Variants in RBFOX3 observed in about 807,000 individuals in gnomAD.
RBFOX3 encodes RNA binding protein fox-1 homolog 3.
RBFOX3 carries 17 observed loss-of-function variants against 48.7 expected under a neutral mutation model. The ratio of observed to expected loss-of-function variants is 0.35; its 90% CI spans 0.24 to 0.52. RBFOX3 has a LOEUF of 0.52. Ranked by LOEUF, RBFOX3 falls within the 20% of genes least tolerant of loss-of-function variation. The pLI is 0.94. For missense variants in RBFOX3, 382 were observed against 497.5 expected, an observed-to-expected ratio of 0.77 and a Z score of 2.21; for synonymous variants, 212 against 209.5, an observed-to-expected ratio of 1.01 and a Z score of -0.10.
chr17:79,588,559 C>A (rs2093323072), intron 1 of RBFOX3, among the ~76,000 whole-genome samples: 1 of 152,210 alleles, frequency 6.6e-6, no homozygotes, highest in African/African-American at 2.4e-5. Flanking sequence ...TGAGCTATAG[C>A]CCACCCCACA....
chr17:79,154,588 C>G (rs982575372), intron 4 of RBFOX3, among the ~76,000 whole-genome samples: 1 of 152,214 alleles, frequency 6.6e-6, no homozygotes, highest in Non-Finnish European at 1.5e-5. Context: ...GAATGAAGGA[C>G]GCTGGCTGGC....
intron 2 of RBFOX3, among the ~76,000 whole-genome samples, chr17:79,341,038 G>T (rs2082004068): frequency 6.6e-6 from 1 of 152,222 alleles, no homozygotes. Context: ...TCAGCAGTTG[G>T]TTCCCCAAAA....
In RBFOX3 at chr17:79,242,408, T is replaced by G. The variant is rs2062521050; in HGVS notation, c.-73-6603A>C. On this transcript the variant is annotated intron_variant, in intron 3 of 14. Coordinates refer to ENST00000693108, the MANE Select transcript of RBFOX3 (RefSeq NM_001350451.2). The surrounding 1 kb of genome is among the most constrained non-coding windows in gnomAD (Gnocchi z 5.8). ...CACTATAAAATTATAAAATTTTTTATAAATTATAAAAAATCAACTGTGGGT... is the reference window on the plus strand; with the variant it reads ...CACTATAAAATTATAAAATTTTTTAGAAATTATAAAAAATCAACTGTGGGT... 6.6e-6 allele frequency among the ~76,000 whole-genome samples: 1 copy of G among 152,172 alleles called. No homozygotes were observed. The highest frequency in any genetic ancestry group is 2.4e-5 in the African/African-American group (1 of 41,426).
At chr17:79,503,628 C>T (rs931003103) in intron 1 of RBFOX3, among the ~76,000 whole-genome samples, 5 of 152,170 alleles carry the variant, frequency 3.3e-5, no homozygotes, top group African/African-American at 4.8e-5. Context: ...GCGTGTGGCT[C>T]GGGGCTGCCA....
At chr17:79,280,846 G>T (rs1035841125) in intron 3 of RBFOX3, among the ~76,000 whole-genome samples, 2 of 150,322 alleles carry the variant, frequency 1.3e-5, no homozygotes, top group African/African-American at 2.4e-5. Context: ...CATTGTGGGG[G>T]GGGGGAGGGG....
chr17:79,656,752 AGG>A, the RBFOX3 span, among the ~76,000 whole-genome samples: 3 of 25,688 alleles, frequency 1.2e-4, no homozygotes, highest in South Asian at 2.1e-3. Flanking sequence ...GAAAGAAAGA[AGG>A]AAGGAAGGAA....
chr17:79,509,201 G>A (rs1451811615), intron 1 of RBFOX3, among the ~76,000 whole-genome samples: 2 of 152,206 alleles, frequency 1.3e-5, no homozygotes, highest in Non-Finnish European at 2.9e-5. Flanking sequence ...GCAGAGCCGG[G>A]ACACAGCAGG....
intron 2 of RBFOX3, among the ~76,000 whole-genome samples, chr17:79,334,040 G>A (rs553247169): frequency 1.8e-4 from 28 of 152,042 alleles, no homozygotes; most frequent in Admixed American, 7.9e-4. Context: ...GCCAAATCCA[G>A]CAATCCATCT....
At chr17:79,495,167 A>G (rs2081254679) in intron 1 of RBFOX3, among the ~76,000 whole-genome samples, 1 of 151,292 alleles carries the variant, frequency 6.6e-6, no homozygotes. Context: ...CAGGTGAGTT[A>G]CCTGGCTTAC....
At chr17:79,408,808 A>G (rs1033447688) in intron 2 of RBFOX3, among the ~76,000 whole-genome samples, 20 of 152,332 alleles carry the variant, frequency 1.3e-4, no homozygotes, top group South Asian at 1.2e-3. Context: ...TCTCTCACCA[A>G]GTAATTATTG....
At chr17:79,117,295 G>C (rs2034322351) in intron 4 of RBFOX3, among the ~76,000 whole-genome samples, 1 of 152,208 alleles carries the variant, frequency 6.6e-6, no homozygotes, top group Non-Finnish European at 1.5e-5. Context: ...CAGCCACCCT[G>C]GCAGGGACAG....
chr17:79,555,701 T>C (rs1420341020), intron 1 of RBFOX3, among the ~76,000 whole-genome samples: 1,510 of 7,018 alleles, frequency 0.22, 12 homozygotes, highest in African/African-American at 0.32. Context: ...ATGGTGGTGA[T>C]AGTGGTGGCA....
the RBFOX3 span, among the ~76,000 whole-genome samples, chr17:79,628,609 C>T: frequency 2.2e-3 from 339 of 152,238 alleles, 1 homozygote; most frequent in African/African-American, 7.7e-3. Context: ...GAGGGGCACT[C>T]GGTGCATTCA....
the RBFOX3 span, among the ~76,000 whole-genome samples, chr17:79,630,062 GA>G: frequency 6.6e-6 from 1 of 152,106 alleles, no homozygotes; most frequent in African/African-American, 2.4e-5. Flanking sequence ...TTGTAATTAA[GA>G]AAACTATAAG....
rs1333717862 is a variant in RBFOX3, at chr17:79,585,638, C to T, written c.-320+25188G>A. Among the ~76,000 whole-genome samples, 5 of 152,168 alleles carry T rather than the reference C, an allele frequency of 3.3e-5. No homozygotes were observed. In the East Asian group the frequency reaches 9.6e-4, roughly 29 times the overall value. ...GTCTAGGAATATTCAGGAGGAGGGG[C>T]CTGCATGAGCTGGCACTTGGGTATT... On this transcript the variant is annotated intron_variant, in intron 1 of 14. Transcript: ENST00000693108.
intron 1 of RBFOX3, among the ~76,000 whole-genome samples, chr17:79,537,519 C>T (rs1162025032): frequency 1.3e-5 from 2 of 152,168 alleles, no homozygotes; most frequent in Non-Finnish European, 2.9e-5. Context: ...CCCTGCAATG[C>T]CAAGGGGGGA....
rs1362013631 is a variant in RBFOX3, at chr17:79,477,315, G to A, written c.-175+5139C>T. ...CTCACACCTGTAATCCCAGCACTTTGGGAGGCCAAGGCAGGTGGATCACGA... is the reference window on the plus strand; with the variant it reads ...CTCACACCTGTAATCCCAGCACTTTAGGAGGCCAAGGCAGGTGGATCACGA... On this transcript the variant is annotated intron_variant, in intron 2 of 14. Transcript: ENST00000693108. The surrounding 1 kb of genome is among the most constrained non-coding windows in gnomAD (Gnocchi z 4.8). Among the ~76,000 whole-genome samples the A allele has an allele frequency of 6.7e-6, 1 of 150,362 alleles. No homozygotes were observed. The highest frequency in any genetic ancestry group is 1.9e-4 in the East Asian group (1 of 5,140).
At chr17:79,092,572 A>T (rs1241796556) in intron 14 of RBFOX3, 2 of 987,308 alleles carry the variant, frequency 2.0e-6, no homozygotes, top group Admixed American at 1.2e-4. Flanking sequence ...GTCAGTGTGA[A>T]TGCTGTTAGG....
chr17:79,355,428 C>T (rs1408911609), intron 2 of RBFOX3, among the ~76,000 whole-genome samples: 1 of 152,214 alleles, frequency 6.6e-6, no homozygotes, highest in Non-Finnish European at 1.5e-5. Context: ...AATGCTTGTA[C>T]CCAAGCCAAG....
Sources: gnomAD v4.1 joint callset for allele counts (sites outside exome capture counted in the v4.1 genomes callset) on GRCh38, gnomAD v4.1.1 for gene constraint, Gnocchi (gnomAD v3.1) non-coding constraint, MANE v1.5 for transcripts, NCBI Gene and HGNC (gene_info 2026-07-23, HGNC 2026-07-21) for gene names.